The following CEMIP2 variants were observed in gnomAD, a reference collection of about 807,000 sequenced individuals.
CEMIP2 encodes the protein cell migration inducing hyaluronidase 2, also known as cell surface hyaluronidase CEMIP2.
Under a neutral mutation model 146.9 loss-of-function variants are expected in CEMIP2, and 79 were observed. The observed-to-expected ratio is 0.54, with a 90% confidence interval of 0.45 to 0.65. CEMIP2 has a LOEUF of 0.65. CEMIP2 is among the 30% of genes least tolerant of loss of function. The pLI, the probability that CEMIP2 is intolerant of heterozygous loss-of-function variation, is 0.00. For synonymous variants in CEMIP2, 601 were observed against 606.3 expected (o/e 0.99, Z 0.13); for missense variants, 1,596 against 1,696.2 (o/e 0.94, Z 1.04).
chr9:71,752,274 C>G (rs1454570155), intron 1 of CEMIP2, among the ~76,000 whole-genome samples: 1 of 150,984 alleles, frequency 6.6e-6, no homozygotes, highest in Non-Finnish European at 1.5e-5. Flanking sequence ...GTCTAAAAGG[C>G]CTATTAATCT....
chr9:71,694,283 C>T (rs539714660), intron 21 of CEMIP2, among the ~76,000 whole-genome samples: 8 of 152,082 alleles, frequency 5.3e-5, no homozygotes, highest in South Asian at 4.2e-4. Flanking sequence ...CCCGCCTCTA[C>T]GCCCAGCTAA....
intron 11 of CEMIP2, among the ~76,000 whole-genome samples, chr9:71,723,792 G>A (rs1823309766): frequency 6.6e-6 from 1 of 152,078 alleles, no homozygotes; most frequent in Non-Finnish European, 1.5e-5. Flanking sequence ...CACACATGTG[G>A]GTGTGTGCCT....
At chr9:71,728,191 C>A (rs62547019) in intron 10 of CEMIP2, among the ~76,000 whole-genome samples, 7,857 of 88,294 alleles carry the variant, frequency 0.089, 530 homozygotes, top group South Asian at 0.25. Context: ...CACAGCGAAA[C>A]CTTCTCTCTC....
At chr9:71,739,126 C>A (rs13294161) in intron 5 of CEMIP2, among the ~76,000 whole-genome samples, 1 of 150,188 alleles carries the variant, frequency 6.7e-6, no homozygotes, top group African/African-American at 2.4e-5. Context: ...CAATATCTTA[C>A]GATAACTAGA....
chr9:71,745,497 C>G lies in CEMIP2; in HGVS notation c.555G>C (p.Gly185=), dbSNP rs375221355. ...ATTTTTCTGCTCCAATATGAAGCGC[C>G]CCACCATCCTGGATCAGGATGTAAT... ...RTHYILIQDG[G]ALHIGAEKCR... Residue 185 remains glycine, a synonymous_variant, in exon 4 of 24, where the codon GGG becomes GGC. Coordinates refer to ENST00000377044, the MANE Select transcript of CEMIP2 (RefSeq NM_013390.3). 3 of 1,613,216 alleles carry G rather than the reference C, an allele frequency of 1.9e-6. No individual in the cohort carries two copies. In the African/African-American group the frequency reaches 4.0e-5, roughly 22 times the overall value.
chr9:71,765,659 T>C (rs1412234449), intron 1 of CEMIP2, among the ~76,000 whole-genome samples: 1 of 152,230 alleles, frequency 6.6e-6, no homozygotes, highest in Non-Finnish European at 1.5e-5. Context: ...CTCTGGCTTC[T>C]TAGAGCGTTC....
At chr9:71,749,999 TTTGTC>T (rs1824197164) in intron 2 of CEMIP2, 39 bp downstream of exon 2, 1 of 1,508,420 alleles carries the variant, frequency 6.6e-7, no homozygotes, top group Admixed American at 2.2e-5. Flanking sequence ...TTCCTCCTCT[TTTGTC>T]TTCTAGAATA....
At chr9:71,721,470 C>T (rs1224050130) in intron 12 of CEMIP2, among the ~76,000 whole-genome samples, 1 of 152,170 alleles carries the variant, frequency 6.6e-6, no homozygotes, top group Non-Finnish European at 1.5e-5. Flanking sequence ...ATCATTGCAT[C>T]AACATATTTC....
At chr9:71,723,582 G>T (rs1424710329) in intron 11 of CEMIP2, among the ~76,000 whole-genome samples, 1 of 152,154 alleles carries the variant, frequency 6.6e-6, no homozygotes, top group Admixed American at 6.5e-5. Flanking sequence ...GCTGAGTAGT[G>T]GTTTTGTTCA....
chr9:71,685,611 T>C, intron 23 of CEMIP2, 132 bp downstream of exon 23: 1 of 885,226 alleles, frequency 1.1e-6, no homozygotes, highest in Non-Finnish European at 1.7e-6. Context: ...TGTGCCCTTA[T>C]TTAGAAATCA....
At chr9:71,737,222 G>A (rs539307342) in intron 5 of CEMIP2, among the ~76,000 whole-genome samples, 2 of 148,674 alleles carry the variant, frequency 1.3e-5, no homozygotes, top group African/African-American at 4.9e-5. Context: ...GGAGGTCAAG[G>A]TGGGCAGATC....
chr9:71,735,561 G>T (rs895385256), intron 5 of CEMIP2, among the ~76,000 whole-genome samples: 5 of 152,016 alleles, frequency 3.3e-5, no homozygotes, highest in Non-Finnish European at 5.9e-5. Flanking sequence ...CCAAGGCAGG[G>T]GGATCACTTG....
intron 2 of CEMIP2, 170 bp downstream of exon 2, chr9:71,749,873 A>T (rs1458873809): frequency 1.7e-6 from 1 of 591,000 alleles, no homozygotes; most frequent in Non-Finnish European, 2.9e-6. Flanking sequence ...AATCATTTCC[A>T]ACAGATTATT....
rs1261910022 is a variant in CEMIP2, at chr9:71,722,410, A to C, written c.2267+17T>G. The C allele has an allele frequency of 6.2e-6, 10 of 1,600,800 alleles. 1 individual carries two copies. The highest frequency in any genetic ancestry group is 8.5e-6 in the Non-Finnish European group (10 of 1,173,584). ...GCAAAGTATAGCTTGAGTGTGACTTAAAAGAGCCAGCTTTACCTTGCACTA... is the reference window on the plus strand; with the variant it reads ...GCAAAGTATAGCTTGAGTGTGACTTCAAAGAGCCAGCTTTACCTTGCACTA... On this transcript the variant is annotated intron_variant, in intron 12 of 23. Coordinates refer to ENST00000377044, the MANE Select transcript of CEMIP2 (RefSeq NM_013390.3).
At chr9:71,697,264 A>C (rs1822429158) in intron 20 of CEMIP2, among the ~76,000 whole-genome samples, 1 of 152,202 alleles carries the variant, frequency 6.6e-6, no homozygotes, top group Non-Finnish European at 1.5e-5. Context: ...TGAAATATAA[A>C]TCAGGGCAGC....
At chr9:71,728,593 A>G (rs889697400) in intron 10 of CEMIP2, among the ~76,000 whole-genome samples, 1 of 151,792 alleles carries the variant, frequency 6.6e-6, no homozygotes, top group Non-Finnish European at 1.5e-5. Flanking sequence ...CATTTCTACT[A>G]CCCAAAAATA....
At position 71,692,923 on chromosome 9, in the gene CEMIP2, G is replaced by GACAACAACAACAACAACA. The variant is rs142273515; in HGVS notation, c.3696+1585_3696+1586insTGTTGTTGTTGTTGTTGT. Among the ~76,000 whole-genome samples, 77 of 150,878 alleles carry GACAACAACAACAACAACA rather than the reference G, an allele frequency of 5.1e-4. 1 individual carries two copies. Among genetic ancestry groups the GACAACAACAACAACAACA allele is most frequent in the Middle Eastern group, 3.4e-3 (1 of 294 alleles). ...CTCAAAAACAAACAAACAAACAAAC[G>GACAACAACAACAACAACA]ACAACAACAACAACAAAAACCAAGA... On this transcript the variant is annotated intron_variant, in intron 21 of 23. Coordinates refer to ENST00000377044, the MANE Select transcript of CEMIP2 (RefSeq NM_013390.3).
intron 11 of CEMIP2, among the ~76,000 whole-genome samples, chr9:71,724,376 T>C (rs1330230618): frequency 1.3e-5 from 2 of 152,214 alleles, no homozygotes; most frequent in Admixed American, 6.5e-5. Context: ...ATTTCTACTA[T>C]GAAATGCTAT....
intron 5 of CEMIP2, 29 bp downstream of exon 5, chr9:71,740,034 T>C (rs1823869446): frequency 6.2e-7 from 1 of 1,600,818 alleles, no homozygotes; most frequent in Non-Finnish European, 8.5e-7. Flanking sequence ...TATCAGTGTC[T>C]TACAAGAGTA....
Sources: allele counts gnomAD v4.1 joint callset (sites outside exome capture counted in the v4.1 genomes callset), GRCh38; gene constraint gnomAD v4.1.1; transcripts MANE v1.5; gene names NCBI Gene and HGNC (gene_info 2026-07-23, HGNC 2026-07-21).